Variants in PLEKHG1 observed in about 807,000 individuals in gnomAD.
PLEKHG1 encodes the protein pleckstrin homology and RhoGEF domain containing G1, also known as pleckstrin homology domain-containing family G member 1.
Under a neutral mutation model 100.8 loss-of-function variants are expected in PLEKHG1, and 44 were observed. That is an observed-to-expected ratio of 0.44 (90% CI 0.34 to 0.56). The LOEUF (loss-of-function observed/expected upper bound fraction) is 0.56, where lower values mean the gene tolerates loss of function less well. Ranked by LOEUF, PLEKHG1 falls within the 20% of genes least tolerant of loss-of-function variation. The probability of loss-of-function intolerance (pLI) is 0.01; values close to 1 mark genes in which losing one functional copy is unlikely to be tolerated. For missense variants in PLEKHG1, 1,545 were observed against 1,720.9 expected (o/e 0.90, Z 1.81); for synonymous variants, 640 against 662.5 (o/e 0.97, Z 0.52).
Position 150,831,311 on chromosome 6 carries a change from C to T in PLEKHG1, c.2200C>T (p.Leu734Phe). The T allele has an allele frequency of 6.2e-7, 1 of 1,614,172 alleles. No individual in the cohort carries two copies. The highest frequency in any genetic ancestry group is 8.5e-7 in the Non-Finnish European group (1 of 1,180,032). The change falls in exon 15 of 16, where the codon CTC becomes TTC. Residue 734 changes from leucine to phenylalanine, a missense_variant. Transcript: ENST00000358517. The surrounding 1 kb of genome is among the most constrained non-coding windows in gnomAD (Gnocchi z 4.1). ...GGCATCCAGCCAAAGCACGCATGAACTCCAAGCGGTTGAGGAGAACATCTA... is the reference window on the plus strand; with the variant it reads ...GGCATCCAGCCAAAGCACGCATGAATTCCAAGCGGTTGAGGAGAACATCTA...
At chr6:150,792,402 G>T (rs972093996) in intron 4 of PLEKHG1, among the ~76,000 whole-genome samples, 6 of 149,266 alleles carry the variant, frequency 4.0e-5, no homozygotes, top group Non-Finnish European at 8.9e-5. Flanking sequence ...GGCTGGGCGC[G>T]GTGGCTCACA....
chr6:150,816,326 CTTTTTTTTTTTTTTTTTTTT>C (rs1173343082), intron 10 of PLEKHG1, among the ~76,000 whole-genome samples: 2 of 41,108 alleles, frequency 4.9e-5, no homozygotes, highest in African/African-American at 1.5e-4. Flanking sequence ...CTCAAACATA[CTTTTTTTTTTTTTTTTTTTT>C]TTTTTTTTTT....
At chr6:150,634,590 C>T (rs1229119279) in intron 1 of PLEKHG1, among the ~76,000 whole-genome samples, 2 of 152,100 alleles carry the variant, frequency 1.3e-5, no homozygotes, top group African/African-American at 4.8e-5. Context: ...TAAAAATAAA[C>T]ATCTAAAATA....
At chr6:150,612,559 C>G (rs1242197085) in intron 1 of PLEKHG1, among the ~76,000 whole-genome samples, 1 of 152,146 alleles carries the variant, frequency 6.6e-6, no homozygotes, top group Non-Finnish European at 1.5e-5. Context: ...TCTCAAACTC[C>G]TGACCTCAGG....
chr6:150,815,524 T>G (rs1487950901), intron 10 of PLEKHG1, among the ~76,000 whole-genome samples: 1 of 152,246 alleles, frequency 6.6e-6, no homozygotes, highest in African/African-American at 2.4e-5. Flanking sequence ...TTAGTATGTT[T>G]CTGTAATTGC....
At chr6:150,665,868 G>A (rs931695265) in intron 3 of PLEKHG1, among the ~76,000 whole-genome samples, 6 of 151,992 alleles carry the variant, frequency 3.9e-5, no homozygotes, top group African/African-American at 1.4e-4. Context: ...GAAGCCCACA[G>A]GAGCTCAGTC....
At chr6:150,695,833 T>C (rs1376561030) in intron 3 of PLEKHG1, among the ~76,000 whole-genome samples, 1 of 152,218 alleles carries the variant, frequency 6.6e-6, no homozygotes, top group Non-Finnish European at 1.5e-5. Flanking sequence ...TATTTTCTTG[T>C]AACAAGATGG....
At chr6:150,733,967 A>G (rs1449398200) in exon 2 of PLEKHG1, 1 of 1,614,200 alleles carries the variant, frequency 6.2e-7, no homozygotes, top group Non-Finnish European at 8.5e-7. Flanking sequence ...AGTGGACTCA[A>G]ACGGGGCACC....
At chr6:150,791,541 A>T (rs944431300) in intron 4 of PLEKHG1, among the ~76,000 whole-genome samples, 14 of 152,116 alleles carry the variant, frequency 9.2e-5, no homozygotes, top group African/African-American at 3.4e-4. Context: ...GTAGTGGAAC[A>T]TGCCTGTAAT....
intron 3 of PLEKHG1, among the ~76,000 whole-genome samples, chr6:150,702,405 GGT>G (rs2128599713): frequency 6.6e-6 from 1 of 152,280 alleles, no homozygotes; most frequent in Admixed American, 6.5e-5. Flanking sequence ...CAGAGGCAGA[GGT>G]TGCAGAGAGC....
Position 150,599,996 on chromosome 6 carries a change from A to G in PLEKHG1, c.-225A>G, listed in dbSNP as rs1361529946. On this transcript the variant is annotated 5_prime_UTR_variant, in exon 1 of 4. An upstream start codon of the reference 5' UTR is lost. Transcript: ENST00000367326. The stretch of plus-strand genomic sequence containing the variant: ...CCCGACCTGCGAGCGCCGCCCGGGC[A>G]TGCGAAGCCGTCCCTCCCCGGGTAA... The G allele has an allele frequency of 8.4e-6, 2 of 238,596 alleles. No individual in the cohort carries two copies. The highest frequency in any genetic ancestry group is 9.0e-6 in the Non-Finnish European group (1 of 111,462). 14.8% of individuals were successfully genotyped at this position (238,596 alleles called of 1,614,324 possible). A position where few individuals can be genotyped will look rare whatever the true frequency, so the allele number is the denominator to read the frequency against.
In PLEKHG1 at chr6:150,652,449, G is replaced by A. The variant is rs78220611; in HGVS notation, c.-99+1663G>A. Among the ~76,000 whole-genome samples, 188 of 152,252 alleles carry A rather than the reference G, an allele frequency of 1.2e-3. 1 individual carries two copies. In the East Asian group the frequency reaches 0.027, roughly 22 times the overall value. ...AAAAAGTTTATATTTTCGTCTGGGT[G>A]CAGTGACTCATGCCTGTAATCCCAG... On this transcript the variant is annotated intron_variant, in intron 3 of 3. Transcript: ENST00000367326.
At chr6:150,808,861 A>T (rs750132882) in intron 7 of PLEKHG1, among the ~76,000 whole-genome samples, 145 of 152,348 alleles carry the variant, frequency 9.5e-4, no homozygotes, top group Non-Finnish European at 1.1e-3. Context: ...GCATGGCATG[A>T]TTAAGGAATG....
At chr6:150,669,312 TGGG>T (rs1471218343) in intron 3 of PLEKHG1, among the ~76,000 whole-genome samples, 1 of 152,160 alleles carries the variant, frequency 6.6e-6, no homozygotes, top group African/African-American at 2.4e-5. Flanking sequence ...CCTGGATAGA[TGGG>T]GGGTTGAAGA....
chr6:150,831,764 G>A lies in PLEKHG1; in HGVS notation c.2653G>A (p.Gly885Arg). 6.2e-7 allele frequency: 1 copy of A among 1,613,724 alleles called. No homozygotes were observed. Among genetic ancestry groups the A allele is most frequent in the South Asian group, 1.1e-5 (1 of 91,086 alleles). ...CACCCCTGAGCTGAGCCGGGACGTG[G>A]GGCGCTCTGTGTCCACGCTGTCCCT... Residue 885 changes from glycine (G) to arginine (R), a missense_variant, in exon 15 of 16, where the codon GGG becomes AGG. Gly to Arg is a moderately radical substitution (Grantham distance 125). Coordinates refer to ENST00000358517, the Ensembl canonical transcript of PLEKHG1. This position sits in a 1 kb window ranked among gnomAD's most constrained non-coding sequence, Gnocchi z 4.1.
At chr6:150,655,440 G>A (rs998986546) in intron 3 of PLEKHG1, among the ~76,000 whole-genome samples, 14 of 152,162 alleles carry the variant, frequency 9.2e-5, no homozygotes, top group Non-Finnish European at 1.9e-4. Context: ...CAGGTGCGGT[G>A]GCTCACGCCT....
intron 3 of PLEKHG1, among the ~76,000 whole-genome samples, chr6:150,660,979 C>A (rs1050804947): frequency 6.6e-6 from 1 of 152,104 alleles, no homozygotes; most frequent in Non-Finnish European, 1.5e-5. Context: ...GCTGGGAGAT[C>A]CTTTGGATGG....
intron 3 of PLEKHG1, among the ~76,000 whole-genome samples, chr6:150,673,060 C>G (rs372656977): frequency 6.6e-6 from 1 of 152,026 alleles, no homozygotes. Context: ...TTTTCATAGT[C>G]GGCCGGAAAG....
chr6:150,804,176 T>TATATAATATATATATA (rs55868220), intron 6 of PLEKHG1, among the ~76,000 whole-genome samples: 1 of 24,810 alleles, frequency 4.0e-5, no homozygotes, highest in East Asian at 1.3e-3. Context: ...TATATATATA[T>TATATAATATATATATA]TTTTTTTTTT....
Sources: allele counts gnomAD v4.1 joint callset (sites outside exome capture counted in the v4.1 genomes callset), GRCh38; gene constraint gnomAD v4.1.1; non-coding constraint Gnocchi (gnomAD v3.1); transcripts MANE v1.5; gene names NCBI Gene and HGNC (gene_info 2026-07-23, HGNC 2026-07-21).